The following PLAAT3 variants were observed in gnomAD, a reference collection of about 807,000 sequenced individuals.
PLAAT3 encodes the protein phospholipase A and acyltransferase 3, also known as Ca-independent phospholipase A1/2.
A neutral mutation model predicts 16.7 loss-of-function variants in PLAAT3; 21 were observed. That is an observed-to-expected ratio of 1.26 (90% CI 0.89 to 1.81). The LOEUF (loss-of-function observed/expected upper bound fraction) is 1.81. Among genes scored for constraint, PLAAT3 ranks in the 40% most tolerant of loss-of-function variants. The probability of loss-of-function intolerance (pLI) is 0.00; values close to 1 mark genes in which losing one functional copy is unlikely to be tolerated. For missense variants in PLAAT3, 219 were observed against 213.7 expected, an observed-to-expected ratio of 1.02 and a Z score of -0.16; for synonymous variants, 76 against 81.7, an observed-to-expected ratio of 0.93 and a Z score of 0.38.
intron 4 of PLAAT3, among the ~76,000 whole-genome samples, chr11:63,586,129 T>C (rs545055508): frequency 1.5e-4 from 23 of 152,072 alleles, no homozygotes; most frequent in African/African-American, 4.6e-4. Flanking sequence ...TGTGTGTGTG[T>C]GTGCACGTGT....
chr11:63,610,157 A>G (rs1237503209), intron 2 of PLAAT3, among the ~76,000 whole-genome samples: 10 of 152,160 alleles, frequency 6.6e-5, no homozygotes, highest in African/African-American at 2.4e-4. Context: ...ACGTTCAACA[A>G]CTGTGCTCCC....
chr11:63,593,579 GTTTT>G lies in PLAAT3; in HGVS notation c.119-3215_119-3212del, dbSNP rs1353546398. 9.9e-5 allele frequency among the ~76,000 whole-genome samples: 15 copies of G among 152,060 alleles called. 1 individual carries two copies. The highest frequency in any genetic ancestry group is 9.2e-4 in the Admixed American group (14 of 15,250). On this transcript the variant is annotated intron_variant, in intron 3 of 4. Coordinates refer to ENST00000415826, the MANE Select transcript of PLAAT3 (RefSeq NM_001128203.2). ...CTTTGTTTTGGTTTGGTTTTGGTTT[GTTTT>G]TTTGAGACGGGGTTTCACTCTGTCA... is the stretch of plus-strand genomic sequence containing the variant.
intron 4 of PLAAT3, among the ~76,000 whole-genome samples, chr11:63,581,744 C>A (rs572999850): frequency 3.0e-4 from 46 of 152,132 alleles, no homozygotes; most frequent in Admixed American, 2.0e-4. Context: ...GTTGTCATCA[C>A]GGTCCTACCA....
chr11:63,580,037 C>T (rs1428451431), intron 4 of PLAAT3, among the ~76,000 whole-genome samples: 1 of 151,948 alleles, frequency 6.6e-6, no homozygotes, highest in African/African-American at 2.4e-5. Flanking sequence ...AATTTACCTC[C>T]CATGCATCCT....
At position 63,589,413 on chromosome 11, in the gene PLAAT3, G is replaced by T. The variant is rs6591815; in HGVS notation, c.387+687C>A. The stretch of plus-strand genomic sequence containing the variant: ...CCAATGTTCTTTTCACCTATGCAAA[G>T]AAAAAAAAAAAAAAAAAGATGGAAG... On this transcript the variant is annotated intron_variant, in intron 4 of 4. Coordinates refer to ENST00000415826, the MANE Select transcript of PLAAT3 (RefSeq NM_001128203.2). Among the ~76,000 whole-genome samples, 1,179 of 124,842 alleles carry T rather than the reference G, an allele frequency of 9.4e-3. 22 individuals carry two copies. Among genetic ancestry groups the T allele is most frequent in the African/African-American group, 0.031 (1,098 of 35,028 alleles). The allele number at this position is 124,842 out of a possible 152,430, so 81.9% of individuals were successfully genotyped here. A position where few individuals can be genotyped will look rare whatever the true frequency, so the allele number is the denominator to read the frequency against.
chr11:63,597,951 C>A, intron 3 of PLAAT3, 110 bp downstream of exon 3: 1 of 731,232 alleles, frequency 1.4e-6, no homozygotes, highest in East Asian at 2.6e-5. Context: ...GAGACAACTG[C>A]CAGTTGGGAA....
At chr11:63,579,453 G>C (rs1274707782) in intron 4 of PLAAT3, among the ~76,000 whole-genome samples, 1 of 152,080 alleles carries the variant, frequency 6.6e-6, no homozygotes, top group African/African-American at 2.4e-5. Context: ...ATTCACAATA[G>C]CAAAGACTTG....
intron 3 of PLAAT3, among the ~76,000 whole-genome samples, chr11:63,591,705 A>C (rs1282315686): frequency 2.0e-5 from 3 of 152,270 alleles, no homozygotes; most frequent in African/African-American, 7.2e-5. Flanking sequence ...AATTTAGGGA[A>C]TTCAGACTTG....
chr11:63,588,375 T>C (rs528822823), intron 4 of PLAAT3, among the ~76,000 whole-genome samples: 1 of 152,240 alleles, frequency 6.6e-6, no homozygotes, highest in South Asian at 2.1e-4. Flanking sequence ...CGGCCTAAAA[T>C]AAAATTGTTT....
At chr11:63,615,250 G>A (rs1237095555), upstream of PLAAT3, among the ~76,000 whole-genome samples, 1 of 95,024 alleles carries the variant, frequency 1.1e-5, no homozygotes, top group African/African-American at 3.6e-5. Flanking sequence ...GTATATATGT[G>A]TGTGTATATA....
chr11:63,615,160 G>GTGTA (rs1565259789), upstream of PLAAT3, among the ~76,000 whole-genome samples: 1 of 39,134 alleles, frequency 2.6e-5, no homozygotes, highest in Admixed American at 2.3e-4. Flanking sequence ...GTATATATGT[G>GTGTA]TATATATGTG....
In PLAAT3 at chr11:63,598,113, T is replaced by C. The variant is rs768858995; in HGVS notation, c.66A>G (p.Arg22=). The C allele has an allele frequency of 1.3e-5, 21 of 1,614,006 alleles. No homozygotes were observed. The highest frequency in any genetic ancestry group is 1.8e-5 in the Non-Finnish European group (21 of 1,180,004). The change falls in exon 3 of 5, where the codon AGA becomes AGG. Residue 22 remains arginine (R), a synonymous_variant. Coordinates refer to ENST00000415826, the MANE Select transcript of PLAAT3 (RefSeq NM_001128203.2). ...CATCGCCAACATAGATGGCCCAGTG[T>C]CTGTAGAAAGGGCGAAAAATCTCAA... ...DLIEIFRPFY[R]HWAIYVGDGY...
chr11:63,606,582 T>A (rs1366899808), intron 2 of PLAAT3, among the ~76,000 whole-genome samples: 1 of 151,138 alleles, frequency 6.6e-6, no homozygotes, highest in Non-Finnish European at 1.5e-5. Flanking sequence ...GGGCACGGGG[T>A]GCAATAGGAA....
At chr11:63,578,685 C>G (rs1358278040) in intron 4 of PLAAT3, among the ~76,000 whole-genome samples, 3 of 151,706 alleles carry the variant, frequency 2.0e-5, no homozygotes, top group Non-Finnish European at 4.4e-5. Context: ...AAAGCTGAAA[C>G]TGGATCCCTT....
At chr11:63,595,171 A>G (rs1218094810) in intron 3 of PLAAT3, among the ~76,000 whole-genome samples, 1 of 151,750 alleles carries the variant, frequency 6.6e-6, no homozygotes, top group East Asian at 1.9e-4. Flanking sequence ...CGTGCCTGTA[A>G]TCCCAGCTAC....
intron 4 of PLAAT3, 72 bp from the exon 5 acceptor site, chr11:63,575,118 C>G: frequency 9.4e-7 from 1 of 1,059,910 alleles, no homozygotes; most frequent in African/African-American, 1.5e-5. Flanking sequence ...TCAGCAGAAA[C>G]ATTCAGCTCG....
chr11:63,601,986 A>AAC, intron 2 of PLAAT3, among the ~76,000 whole-genome samples: 1 of 150,266 alleles, frequency 6.7e-6, no homozygotes, highest in African/African-American at 2.5e-5. Context: ...GTCTCAAAAA[A>AAC]AAAAAAAAAA....
intron 2 of PLAAT3, among the ~76,000 whole-genome samples, chr11:63,606,728 G>C (rs1938575600): frequency 6.6e-6 from 1 of 152,342 alleles, no homozygotes; most frequent in South Asian, 2.1e-4. Context: ...GCGCGTGTCT[G>C]AGCAACAGCA....
upstream of PLAAT3, chr11:63,614,520 C>A: frequency 6.5e-6 from 1 of 154,124 alleles, no homozygotes. Flanking sequence ...GCGCCCGGCC[C>A]CGGTCCCGAG....
Sources: gnomAD v4.1 joint callset for allele counts (sites outside exome capture counted in the v4.1 genomes callset) on GRCh38, gnomAD v4.1.1 for gene constraint, MANE v1.5 for transcripts, NCBI Gene and HGNC (gene_info 2026-07-23, HGNC 2026-07-21) for gene names.